The following HSPA13 variants were observed in gnomAD, a reference collection of about 807,000 sequenced individuals.
HSPA13 encodes heat shock 70 kDa protein 13.
Under a neutral mutation model 38.8 loss-of-function variants are expected in HSPA13, and 29 were observed. The observed-to-expected ratio is 0.75, with a 90% CI of 0.56 to 1.02. The LOEUF (loss-of-function observed/expected upper bound fraction) is 1.02. Ranked by LOEUF, HSPA13 falls within the 50% of genes least tolerant of loss-of-function variation. HSPA13 has a pLI of 0.00. For synonymous variants in HSPA13, 192 were observed against 205.3 expected, an observed-to-expected ratio of 0.94 and a Z score of 0.56; for missense variants, 451 against 560.9, an observed-to-expected ratio of 0.80 and a Z score of 1.98.
intron 1 of HSPA13, among the ~76,000 whole-genome samples, chr21:14,382,774 C>T (rs1029160356): frequency 6.6e-6 from 1 of 152,098 alleles, no homozygotes; most frequent in Non-Finnish European, 1.5e-5. Context: ...TCGCAGCCTT[C>T]CATAGCTTGC....
intron 4 of HSPA13, among the ~76,000 whole-genome samples, chr21:14,374,849 T>C (rs558178604): frequency 1.8e-3 from 277 of 152,272 alleles, no homozygotes; most frequent in African/African-American, 6.3e-3. Context: ...TTTCCTTTCA[T>C]TTTTTCTTGC....
chr21:14,374,143 A>C lies in HSPA13; in HGVS notation c.890T>G (p.Leu297Ter). 6.2e-7 allele frequency: 1 copy of C among 1,614,120 alleles called. No homozygotes were observed. Among genetic ancestry groups the C allele is most frequent in the Non-Finnish European group, 8.5e-7 (1 of 1,180,030 alleles). ...RLRQAVEMVK[L>*]NLTLHQSAQL... ...AGCAGATTGATGAAGAGTCAGATTT[A>C]ATTTGACCATTTCCACAGCTTGTCT... is the stretch of plus-strand genomic sequence containing the variant. The change falls in exon 5 of 5, where the codon TTA (leucine) becomes TGA (stop). Residue 297 changes from leucine (L) to a stop codon, truncating the protein, a stop_gained. Coordinates refer to ENST00000285667, the MANE Select transcript of HSPA13 (RefSeq NM_006948.5). LOFTEE classifies it high-confidence loss of function.
Position 14,374,372 on chromosome 21 carries a change from T to C in HSPA13, c.749-88A>G. ...TATTATGTATACGTAAAAATTATAT[T>C]CTGGGAATAACAAATCCCTGTTTCA... On this transcript the variant is annotated intron_variant, in intron 4 of 4. Transcript: ENST00000285667. The C allele has an allele frequency of 4.3e-6, 4 of 925,126 alleles. No individual in the cohort carries two copies. In the Admixed American group the frequency reaches 8.1e-5, roughly 19 times the overall value. 57.3% of individuals were successfully genotyped at this position (925,126 alleles called of 1,614,324 possible).
In HSPA13 at chr21:14,373,880, T is replaced by C; in HGVS notation, c.1153A>G (p.Ile385Val). The change falls in exon 5 of 5, where the codon ATT (isoleucine) becomes GTT (valine). Residue 385 changes from isoleucine to valine, a missense_variant. By Grantham distance (29) the Ile-to-Val change is conservative. Transcript: ENST00000285667. ...TGGCCTTCTTTCAATACTTGCTGAA[T>C]GGGTACCAGTATTTTCTGAAAGAGG... ...EDLFQKILVPIQQVLKEGHLE... is the reference protein window; with the variant it reads ...EDLFQKILVPVQQVLKEGHLE... The C allele has an allele frequency of 6.2e-7, 1 of 1,614,248 alleles. No individual in the cohort carries two copies. Among genetic ancestry groups the C allele is most frequent in the Non-Finnish European group, 8.5e-7 (1 of 1,180,046 alleles).
Position 14,374,223 on chromosome 21 carries a change from C to A in HSPA13, c.810G>T (p.Gln270His). 2.5e-6 allele frequency: 4 copies of A among 1,612,670 alleles called. No individual in the cohort carries two copies. Among genetic ancestry groups the A allele is most frequent in the Non-Finnish European group, 3.4e-6 (4 of 1,179,966 alleles). The change falls in exon 5 of 5, where the codon CAG (glutamine) becomes CAT (histidine). Residue 270 changes from glutamine (Q) to histidine (H), a missense_variant. Physicochemically the swap from Gln to His is conservative, Grantham distance 24. Coordinates refer to ENST00000285667, the MANE Select transcript of HSPA13 (RefSeq NM_006948.5). ...NQRLLQYLYK[Q>H]IYQTYGFVPS... is the part of the protein sequence containing the mutation. ...GCACGAAGCCATATGTTTGATAGAT[C>A]TGTTTATATAAGTACTGAAGCAATC...
chr21:14,382,677 G>A (rs1428551497), intron 1 of HSPA13, among the ~76,000 whole-genome samples: 2 of 152,106 alleles, frequency 1.3e-5, no homozygotes, highest in African/African-American at 2.4e-5. Context: ...GATGGAAAAA[G>A]CCTCCAAATT....
At chr21:14,376,682 G>A (rs1008568878) in intron 3 of HSPA13, among the ~76,000 whole-genome samples, 2 of 152,214 alleles carry the variant, frequency 1.3e-5, no homozygotes, top group Admixed American at 6.5e-5. Context: ...ATTCTACTCT[G>A]GCCACACTGA....
chr21:14,382,120 A>G (rs2822646), intron 1 of HSPA13, among the ~76,000 whole-genome samples: 86,430 of 152,038 alleles, frequency 0.57, 26,024 homozygotes, highest in Non-Finnish European at 0.68. Flanking sequence ...CTGTCACTTC[A>G]AAACAGAACA....
Position 14,381,298 on chromosome 21 carries a change from T to A in HSPA13, c.271A>T (p.Asn91Tyr). 1 of 1,614,160 alleles carries A rather than the reference T, an allele frequency of 6.2e-7. No homozygotes were observed. Among genetic ancestry groups the A allele is most frequent in the Non-Finnish European group, 8.5e-7 (1 of 1,180,000 alleles). ...GYESVELADS[N>Y]PQNTIYDAKR... ...GCATCATATATTGTGTTTTGAGGAT[T>A]TGAATCTGCCAGCTCTACGCTTTCA... Residue 91 changes from asparagine to tyrosine, a missense_variant, in exon 2 of 5, where the codon AAT (asparagine) becomes TAT (tyrosine). Coordinates refer to ENST00000285667, the MANE Select transcript of HSPA13 (RefSeq NM_006948.5).
In HSPA13 at chr21:14,382,583, A is replaced by G. The variant is rs190922425; in HGVS notation, c.25+512T>C. On this transcript the variant is annotated intron_variant, in intron 1 of 4. Transcript: ENST00000285667. The stretch of plus-strand genomic sequence containing the variant: ...CCACTTTCCACTTCCAGCTACAGGC[A>G]ACATTTCAGAAGCATTTCATCACCT... 3.8e-4 allele frequency among the ~76,000 whole-genome samples: 58 copies of G among 152,310 alleles called. 1 individual carries two copies. The East Asian group carries it at 8.7e-3, about 23-fold the overall frequency.
intron 3 of HSPA13, among the ~76,000 whole-genome samples, chr21:14,376,362 G>A (rs1016222223): frequency 2.6e-5 from 4 of 152,096 alleles, no homozygotes; most frequent in Non-Finnish European, 4.4e-5. Context: ...GCAGTGAGCC[G>A]AGATCGCGCC....
At chr21:14,382,414 T>C (rs1486419546) in intron 1 of HSPA13, among the ~76,000 whole-genome samples, 1 of 152,190 alleles carries the variant, frequency 6.6e-6, no homozygotes, top group African/African-American at 2.4e-5. Context: ...AATCTCGTAT[T>C]TGGTATCAGG....
chr21:14,374,728 G>A (rs1983976635), intron 4 of HSPA13, among the ~76,000 whole-genome samples: 1 of 152,068 alleles, frequency 6.6e-6, no homozygotes, highest in East Asian at 1.9e-4. Context: ...TCAGTAAATA[G>A]AGATTAAGAA....
At chr21:14,382,255 A>C (rs1359253953) in intron 1 of HSPA13, among the ~76,000 whole-genome samples, 1 of 152,220 alleles carries the variant, frequency 6.6e-6, no homozygotes, top group Non-Finnish European at 1.5e-5. Context: ...CTTCTTGAAG[A>C]CAAGTTTCGT....
intron 4 of HSPA13, among the ~76,000 whole-genome samples, chr21:14,374,780 T>C (rs1226184517): frequency 2.0e-5 from 3 of 152,208 alleles, no homozygotes; most frequent in Admixed American, 6.5e-5. Flanking sequence ...ACACTGAATG[T>C]CATTCTCAAC....
rs962058333 is a variant in HSPA13, at chr21:14,376,408, G to A, written c.581-589C>T. Among the ~76,000 whole-genome samples the A allele has an allele frequency of 5.3e-5, 8 of 151,826 alleles. No individual in the cohort carries two copies. The East Asian group carries it at 5.8e-4, about 11-fold the overall frequency. ...AGCCTGGGCAGCAGAGTGAGACTCC[G>A]TCTCAAAAAATAAAAAAAAATAAAA... On this transcript the variant is annotated intron_variant, in intron 3 of 4. Transcript: ENST00000285667.
chr21:14,379,298 C>G (rs965088011), intron 2 of HSPA13, among the ~76,000 whole-genome samples: 4 of 152,100 alleles, frequency 2.6e-5, no homozygotes, highest in Admixed American at 1.3e-4. Context: ...CTAAAAAATA[C>G]TATCCTAGTT....
At position 14,371,332 on chromosome 21, in the gene HSPA13, T is replaced by C. The variant is rs543171696; in HGVS notation, c.*2285A>G. 2.0e-4 allele frequency: 31 copies of C among 152,734 alleles called. No individual in the cohort carries two copies. Among genetic ancestry groups the C allele is most frequent in the Admixed American group, 7.8e-4 (12 of 15,300 alleles). 9.5% of individuals were successfully genotyped at this position (152,734 alleles called of 1,614,324 possible). A position where few individuals can be genotyped will look rare whatever the true frequency, so the allele number is the denominator to read the frequency against. Reference sequence around the variant, plus strand: ...GTTACTCATTCACATATTCTAATCATACAAGACACTTAATATTTTAAAAGT... The same window carrying C: ...GTTACTCATTCACATATTCTAATCACACAAGACACTTAATATTTTAAAAGT... On this transcript the variant is annotated 3_prime_UTR_variant, in exon 5 of 5. Transcript: ENST00000285667.
In HSPA13 at chr21:14,381,389, A is replaced by G. The variant is rs781723363; in HGVS notation, c.180T>C (p.Asp60=). ...PGTGKVKVIP[D]ENGHISIPSM... The stretch of plus-strand genomic sequence containing the variant: ...TGGGTATGCTGATATGCCCATTTTC[A>G]TCTGGAATCACCTTTACTTTTCCTG... Residue 60 remains aspartate (D), a synonymous_variant, in exon 2 of 5, where the codon GAT becomes GAC. Coordinates refer to ENST00000285667, the MANE Select transcript of HSPA13 (RefSeq NM_006948.5). 1.2e-6 allele frequency: 2 copies of G among 1,614,140 alleles called. No homozygotes were observed. The highest frequency in any genetic ancestry group is 1.7e-6 in the Non-Finnish European group (2 of 1,180,020).
Sources: allele counts gnomAD v4.1 joint callset (sites outside exome capture counted in the v4.1 genomes callset), GRCh38; gene constraint gnomAD v4.1.1; transcripts MANE v1.5; gene names NCBI Gene and HGNC (gene_info 2026-07-23, HGNC 2026-07-21).